Variants in USP13 observed in about 807,000 individuals in gnomAD.
USP13 encodes ubiquitin specific peptidase 13.
A neutral mutation model predicts 107.8 loss-of-function variants in USP13; 68 were observed. That is an observed-to-expected ratio of 0.63 (90% CI 0.52 to 0.77). The LOEUF is 0.77. USP13 is among the 30% of genes least tolerant of loss of function. The pLI is 0.00. For synonymous variants in USP13, 377 were observed against 389.5 expected (o/e 0.97, Z 0.38); for missense variants, 945 against 1,093.3 (o/e 0.86, Z 1.91).
At chr3:179,659,617 C>T (rs536572397) in intron 1 of USP13, among the ~76,000 whole-genome samples, 15 of 152,306 alleles carry the variant, frequency 9.8e-5, no homozygotes, top group Admixed American at 2.0e-4. Flanking sequence ...TTAATCATCA[C>T]AACAACCCTA....
At chr3:179,740,699 A>C (rs1576967818) in intron 11 of USP13, among the ~76,000 whole-genome samples, 1 of 151,514 alleles carries the variant, frequency 6.6e-6, no homozygotes, top group Non-Finnish European at 1.5e-5. Flanking sequence ...CCTGCGTGGT[A>C]TTTGGTGTCC....
intron 9 of USP13, 88 bp downstream of exon 9, chr3:179,730,348 G>C: frequency 7.6e-7 from 1 of 1,310,532 alleles, no homozygotes. Context: ...CAAAATTAAA[G>C]GCAATTCTTC....
At chr3:179,702,464 C>G (rs1170059654) in intron 4 of USP13, among the ~76,000 whole-genome samples, 2 of 152,204 alleles carry the variant, frequency 1.3e-5, no homozygotes, top group East Asian at 3.8e-4. Context: ...AGAACCAAAG[C>G]CAGCTCTTTA....
rs993998948 is a variant in USP13 at position 179,788,696 on chromosome 3, A to G, written c.*4555A>G. 1 of 152,176 alleles carries G rather than the reference A, an allele frequency of 6.6e-6. No homozygotes were observed. The highest frequency in any genetic ancestry group is 1.5e-5 in the Non-Finnish European group (1 of 68,032). The allele number at this position is 152,176 out of a possible 1,614,324, so 9.4% of individuals were successfully genotyped here. A position where few individuals can be genotyped will look rare whatever the true frequency, so the allele number is the denominator to read the frequency against. On this transcript the variant is annotated 3_prime_UTR_variant, in exon 21 of 21. Coordinates refer to ENST00000263966, the MANE Select transcript of USP13 (RefSeq NM_003940.3). The stretch of plus-strand genomic sequence containing the variant: ...TTTTTTAAAAATGTGGCCCCTAAAG[A>G]ACTTCAAATTAGACATGTGGATAAC...
intron 13 of USP13, among the ~76,000 whole-genome samples, chr3:179,750,298 G>GTGTGTGTATATATATATATATA (rs551310086): frequency 2.0e-5 from 2 of 100,432 alleles, no homozygotes; most frequent in Admixed American, 1.9e-4. Context: ...ATATATATAT[G>GTGTGTGTATATATATATATATA]TGTGTGTATA....
chr3:179,689,124 T>C (rs1712008422), intron 2 of USP13, among the ~76,000 whole-genome samples: 1 of 152,156 alleles, frequency 6.6e-6, no homozygotes, highest in Non-Finnish European at 1.5e-5. Context: ...TGCAGCAAGG[T>C]CTCGACACCT....
chr3:179,684,528 A>G (rs565272591), intron 2 of USP13, among the ~76,000 whole-genome samples: 7 of 150,946 alleles, frequency 4.6e-5, no homozygotes, highest in African/African-American at 1.5e-4. Context: ...CCAGGTGACC[A>G]TGGTGCTCCG....
intron 19 of USP13, among the ~76,000 whole-genome samples, chr3:179,777,095 T>C (rs1715568408): frequency 1.3e-5 from 2 of 152,224 alleles, no homozygotes; most frequent in South Asian, 4.1e-4. Flanking sequence ...TTGATAAACA[T>C]GGTTAATTTA....
At position 179,727,929 on chromosome 3, in the gene USP13, C is replaced by A. The variant is rs1210432947; in HGVS notation, c.1089-2260C>A. 9.7e-5 allele frequency among the ~76,000 whole-genome samples: 6 copies of A among 61,666 alleles called. 1 individual carries two copies. Among genetic ancestry groups the A allele is most frequent in the East Asian group, 8.9e-4 (1 of 1,126 alleles). 40.5% of individuals were successfully genotyped at this position (61,666 alleles called of 152,430 possible). A position where few individuals can be genotyped will look rare whatever the true frequency, so the allele number is the denominator to read the frequency against. ...GGCGGCTGGCCAGGTGGGGGGCTGACCCCCCCACCTCCCTCTCGGACGAGG... is the reference window on the plus strand; with the variant it reads ...GGCGGCTGGCCAGGTGGGGGGCTGAACCCCCCACCTCCCTCTCGGACGAGG... On this transcript the variant is annotated intron_variant, in intron 8 of 20. Transcript: ENST00000263966.
chr3:179,682,128 C>A, intron 2 of USP13, 125 bp downstream of exon 2: 3 of 1,258,704 alleles, frequency 2.4e-6, no homozygotes, highest in Admixed American at 2.5e-5. Context: ...CGATGAGAAA[C>A]AAAAACAGCA....
At position 179,653,294 on chromosome 3, in the gene USP13, C is replaced by G; in HGVS notation, c.69C>G (p.Asp23Glu). The part of the protein sequence containing the change: ...GSGGRKMAAG[D>E]IGELLVPHMP... ...GAGGCAGGAAGATGGCTGCAGGAGACATCGGCGAGCTGCTAGTGCCCCACA... is the reference window on the plus strand; with the variant it reads ...GAGGCAGGAAGATGGCTGCAGGAGAGATCGGCGAGCTGCTAGTGCCCCACA... Residue 23 changes from aspartate (D) to glutamate (E), a missense_variant, in exon 1 of 21, where the codon GAC becomes GAG. Coordinates refer to ENST00000263966, the MANE Select transcript of USP13 (RefSeq NM_003940.3). This position sits in a 1 kb window ranked among gnomAD's most constrained non-coding sequence, Gnocchi z 4.0. The G allele has an allele frequency of 6.4e-6, 10 of 1,573,494 alleles. No individual in the cohort carries two copies. Among genetic ancestry groups the G allele is most frequent in the Non-Finnish European group, 8.6e-6 (10 of 1,160,186 alleles).
chr3:179,707,011 A>G lies in USP13; in HGVS notation c.555A>G (p.Glu185=), dbSNP rs780145778. ...RKQDPDTWEN[E]LPVSKYANNL... ...AGGACCCAGACACGTGGGAAAATGA[A>G]TTGCCAGTATCTAAATATGCCAACA... Residue 185 remains glutamate (E), a synonymous_variant, in exon 5 of 21, where the codon GAA becomes GAG. Transcript: ENST00000263966. The G allele has an allele frequency of 1.9e-6, 3 of 1,614,186 alleles. No homozygotes were observed. Among genetic ancestry groups the G allele is most frequent in the Admixed American group, 3.3e-5 (2 of 60,022 alleles).
chr3:179,752,960 G>A lies in USP13; in HGVS notation c.1798+587G>A, dbSNP rs77723566. On this transcript the variant is annotated intron_variant, in intron 14 of 20. Transcript: ENST00000263966. Reference sequence around the variant, plus strand: ...TTTGGCTTCATGAGGCTTTCTTCGTGCTAATTTTTAAAGTTCCTGACCATT... The same window carrying A: ...TTTGGCTTCATGAGGCTTTCTTCGTACTAATTTTTAAAGTTCCTGACCATT... Among the ~76,000 whole-genome samples the A allele has an allele frequency of 1.8e-4, 27 of 152,288 alleles. 2 individuals carry two copies. The East Asian group carries it at 5.2e-3, about 29-fold the overall frequency.
chr3:179,715,659 G>A (rs972989279), intron 6 of USP13, among the ~76,000 whole-genome samples: 6 of 152,098 alleles, frequency 3.9e-5, no homozygotes, highest in South Asian at 2.1e-4. Flanking sequence ...CACTGTGCCC[G>A]GCCTTGTGTT....
chr3:179,689,485 C>T (rs1056995299), intron 2 of USP13, among the ~76,000 whole-genome samples: 6 of 151,786 alleles, frequency 4.0e-5, no homozygotes, highest in African/African-American at 7.3e-5. Context: ...AGTGAAACCC[C>T]GTCTCTACTA....
At chr3:179,748,836 GCA>G (rs1428951089) in intron 13 of USP13, among the ~76,000 whole-genome samples, 1 of 152,192 alleles carries the variant, frequency 6.6e-6, no homozygotes, top group Admixed American at 6.5e-5. Context: ...TTATTGGTAT[GCA>G]ACCTTGGCCA....
intron 10 of USP13, among the ~76,000 whole-genome samples, chr3:179,736,088 C>G (rs778697362): frequency 1.3e-5 from 2 of 152,154 alleles, no homozygotes; most frequent in African/African-American, 4.8e-5. Flanking sequence ...AAATTAACAA[C>G]CATCCCTTAG....
intron 8 of USP13, 110 bp from the exon 9 acceptor site, chr3:179,730,079 G>GT: frequency 1.0e-6 from 1 of 975,646 alleles, no homozygotes; most frequent in Non-Finnish European, 1.6e-6. Flanking sequence ...CAGGTAGATT[G>GT]TTTAGTTTGA....
intron 3 of USP13, among the ~76,000 whole-genome samples, chr3:179,691,346 C>G (rs1209955002): frequency 6.6e-6 from 1 of 152,170 alleles, no homozygotes; most frequent in African/African-American, 2.4e-5. Flanking sequence ...TTTCCAGACT[C>G]TGATCATTCT....
Sources: allele counts gnomAD v4.1 joint callset (sites outside exome capture counted in the v4.1 genomes callset), GRCh38; gene constraint gnomAD v4.1.1; non-coding constraint Gnocchi (gnomAD v3.1); transcripts MANE v1.5; gene names NCBI Gene and HGNC (gene_info 2026-07-23, HGNC 2026-07-21).